RBFOX1: variants seen among roughly 807,000 people sequenced by gnomAD.
RBFOX1 encodes the protein RNA binding protein fox-1 homolog 1.
In RBFOX1, 8 loss-of-function variants were observed where a neutral mutation model predicts 57.7. The observed-to-expected ratio is 0.14, with a 90% CI of 0.08 to 0.25. The LOEUF (loss-of-function observed/expected upper bound fraction) is 0.25. Among genes scored for constraint, RBFOX1 ranks in the 10% least tolerant of loss-of-function variants. The probability of loss-of-function intolerance (pLI) is 1.00; values close to 1 mark genes in which losing one functional copy is unlikely to be tolerated. For missense variants in RBFOX1, 611 were observed against 548.5 expected, an observed-to-expected ratio of 1.11 and a Z score of -1.14; for synonymous variants, 326 against 222.4, an observed-to-expected ratio of 1.47 and a Z score of -4.15.
chr16:5,744,475 G>A (rs2052898506), intron 3 of RBFOX1, among the ~76,000 whole-genome samples: 1 of 152,172 alleles, frequency 6.6e-6, no homozygotes, highest in African/African-American at 2.4e-5. Context: ...GCTGGACCTG[G>A]TTCATATGGC....
intron 1 of RBFOX1, among the ~76,000 whole-genome samples, chr16:6,124,585 C>T (rs1471154245): frequency 1.3e-5 from 2 of 152,102 alleles, no homozygotes; most frequent in African/African-American, 2.4e-5. Context: ...TCATTTAAAC[C>T]TCCACCTCCC....
At chr16:5,764,024 G>C (rs903556657) in intron 3 of RBFOX1, among the ~76,000 whole-genome samples, 3 of 152,090 alleles carry the variant, frequency 2.0e-5, no homozygotes, top group South Asian at 2.1e-4. Context: ...ATTCATTGCT[G>C]TACCCCCGTG....
chr16:7,039,891 A>T (rs981956961), intron 3 of RBFOX1, among the ~76,000 whole-genome samples: 2 of 151,618 alleles, frequency 1.3e-5, no homozygotes, highest in Admixed American at 6.6e-5. Flanking sequence ...TTACTTTCCT[A>T]CTGAAGAGAA....
chr16:7,345,140 T>C (rs2145559924), intron 4 of RBFOX1, among the ~76,000 whole-genome samples: 1 of 152,230 alleles, frequency 6.6e-6, no homozygotes, highest in East Asian at 1.9e-4. Flanking sequence ...CTTTCTGTTT[T>C]CCGTTTAAAC....
chr16:5,890,073 C>T (rs774382376), intron 4 of RBFOX1, among the ~76,000 whole-genome samples: 4 of 152,146 alleles, frequency 2.6e-5, no homozygotes, highest in East Asian at 1.9e-4. Context: ...AGCTTCACCA[C>T]GAACAGACTG....
At chr16:6,445,010 G>T (rs1302029066) in intron 2 of RBFOX1, among the ~76,000 whole-genome samples, 1 of 152,072 alleles carries the variant, frequency 6.6e-6, no homozygotes, top group African/African-American at 2.4e-5. Context: ...GCTGTTTTAA[G>T]TATTCCAGGC....
chr16:7,694,854 C>A (rs779666472), intron 14 of RBFOX1, among the ~76,000 whole-genome samples: 5 of 152,142 alleles, frequency 3.3e-5, no homozygotes, highest in Non-Finnish European at 5.9e-5. Flanking sequence ...TGTTCATAGG[C>A]CTCATGTATA....
chr16:7,540,107 G>T (rs1248624996), intron 5 of RBFOX1, among the ~76,000 whole-genome samples: 2 of 152,134 alleles, frequency 1.3e-5, no homozygotes, highest in East Asian at 1.9e-4. Flanking sequence ...GTGCCTCATT[G>T]GTGGTGGGAT....
chr16:7,546,359 A>G (rs1165995715), intron 5 of RBFOX1, among the ~76,000 whole-genome samples: 3 of 149,396 alleles, frequency 2.0e-5, no homozygotes. Context: ...AAAATAAAAT[A>G]AAATAAAATA....
At chr16:7,596,446 G>C (rs962755896) in intron 8 of RBFOX1, among the ~76,000 whole-genome samples, 1 of 151,404 alleles carries the variant, frequency 6.6e-6, no homozygotes, top group South Asian at 2.1e-4. Context: ...TTTCCCCTTC[G>C]ACGATAACGC....
chr16:5,840,152 T>C (rs2056581947), intron 3 of RBFOX1, among the ~76,000 whole-genome samples: 1 of 152,126 alleles, frequency 6.6e-6, no homozygotes, highest in Admixed American at 6.5e-5. Flanking sequence ...ATTTCCCCCA[T>C]TGTGTTTTAG....
intron 1 of RBFOX1, among the ~76,000 whole-genome samples, chr16:6,054,299 G>A (rs2095587870): frequency 6.6e-6 from 1 of 152,118 alleles, no homozygotes; most frequent in African/African-American, 2.4e-5. Context: ...TTCAATTTAT[G>A]TAAATAATAG....
Position 5,669,954 on chromosome 16 carries a change from T to G in RBFOX1, c.318+70993T>G, listed in dbSNP as rs142573279. Among the ~76,000 whole-genome samples the G allele has an allele frequency of 3.4e-3, 522 of 152,332 alleles. 3 individuals are homozygous for G. The highest frequency in any genetic ancestry group is 0.011 in the African/African-American group (454 of 41,576). On this transcript the variant is annotated intron_variant, in intron 3 of 19. Transcript: ENST00000641259. Reference sequence around the variant, plus strand: ...AATCAAAAGCCCATCGAGGGAAGACTAGATAAACACATTGTGGTCTATCCA... The same window carrying G: ...AATCAAAAGCCCATCGAGGGAAGACGAGATAAACACATTGTGGTCTATCCA...
intron 3 of RBFOX1, among the ~76,000 whole-genome samples, chr16:5,805,954 A>C (rs933685576): frequency 1.3e-5 from 2 of 152,218 alleles, no homozygotes; most frequent in Non-Finnish European, 2.9e-5. Flanking sequence ...TCTGTCCTGC[A>C]TAGATCCTAG....
In RBFOX1 at chr16:7,128,276, C is replaced by G. The variant is rs79569972; in HGVS notation, c.27+76178C>G. ...ACTCTGTTATTTCCTTGAATCCTCA[C>G]AATAATTCTGCAAGATAGGTACTAT... is the stretch of plus-strand genomic sequence containing the variant. On this transcript the variant is annotated intron_variant, in intron 4 of 15. Transcript: ENST00000550418. 7.0e-3 allele frequency among the ~76,000 whole-genome samples: 1,065 copies of G among 152,258 alleles called. 12 individuals are homozygous for G. Among genetic ancestry groups the G allele is most frequent in the African/African-American group, 0.024 (1,002 of 41,532 alleles).
intron 3 of RBFOX1, among the ~76,000 whole-genome samples, chr16:6,660,035 G>T (rs2098691235): frequency 6.6e-6 from 1 of 151,878 alleles, no homozygotes. Context: ...GACCACCATG[G>T]CCAACATAGT....
intron 4 of RBFOX1, among the ~76,000 whole-genome samples, chr16:7,252,172 T>A (rs1024427374): frequency 1.3e-5 from 2 of 152,216 alleles, no homozygotes; most frequent in Non-Finnish European, 2.9e-5. Flanking sequence ...ATTTCTTACA[T>A]CATCAAAAAG....
At chr16:6,579,054 C>G (rs1354266727) in intron 2 of RBFOX1, among the ~76,000 whole-genome samples, 1 of 151,924 alleles carries the variant, frequency 6.6e-6, no homozygotes, top group East Asian at 1.9e-4. Flanking sequence ...ATAAAAATAA[C>G]AAATAATTTT....
chr16:6,052,443 C>G (rs2095561909), intron 1 of RBFOX1, among the ~76,000 whole-genome samples: 3 of 152,142 alleles, frequency 2.0e-5, no homozygotes, highest in Admixed American at 2.0e-4. Flanking sequence ...GCTTAGTCAA[C>G]CTCTATACGC....
Sources: gnomAD v4.1 joint callset for allele counts (sites outside exome capture counted in the v4.1 genomes callset) on GRCh38, gnomAD v4.1.1 for gene constraint, MANE v1.5 for transcripts, NCBI Gene and HGNC (gene_info 2026-07-23, HGNC 2026-07-21) for gene names.